CSMD3: variants seen among roughly 807,000 people sequenced by gnomAD.
CSMD3 encodes CUB and Sushi multiple domains 3.
Under a neutral mutation model 435.2 loss-of-function variants are expected in CSMD3, and 177 were observed. The ratio of observed to expected loss-of-function variants is 0.41; its 90% CI spans 0.36 to 0.46. The LOEUF (loss-of-function observed/expected upper bound fraction) is 0.46, where lower values mean the gene tolerates loss of function less well. Among genes scored for constraint, CSMD3 ranks in the 20% least tolerant of loss-of-function variants. The pLI, the probability that CSMD3 is intolerant of heterozygous loss-of-function variation, is 0.34. For missense variants in CSMD3, 4,265 were observed against 4,504.6 expected, an observed-to-expected ratio of 0.95 and a Z score of 1.52; for synonymous variants, 1,656 against 1,520.5, an observed-to-expected ratio of 1.09 and a Z score of -2.07.
At chr8:112,805,582 G>C (rs1010667997) in intron 12 of CSMD3, among the ~76,000 whole-genome samples, 16 of 152,162 alleles carry the variant, frequency 1.1e-4, no homozygotes, top group African/African-American at 3.9e-4. Flanking sequence ...TGATTGACCT[G>C]TGTACAAGAT....
chr8:112,363,247 G>C lies in CSMD3; in HGVS notation c.6137-10713C>G, dbSNP rs902032575. 5.3e-5 allele frequency among the ~76,000 whole-genome samples: 8 copies of C among 151,964 alleles called. No homozygotes were observed. In the South Asian group the frequency reaches 8.3e-4, roughly 16 times the overall value. On this transcript the variant is annotated intron_variant, in intron 38 of 70. Coordinates refer to ENST00000297405, the MANE Select transcript of CSMD3 (RefSeq NM_198123.2). ...AAGTGCATGCATAATACTTAGAGTAGTGCCAGGAATATTGGAAGTGCCTAA... is the reference window on the plus strand; with the variant it reads ...AAGTGCATGCATAATACTTAGAGTACTGCCAGGAATATTGGAAGTGCCTAA...
intron 24 of CSMD3, among the ~76,000 whole-genome samples, chr8:112,558,894 A>G (rs1277700554): frequency 6.6e-6 from 1 of 151,992 alleles, no homozygotes; most frequent in Non-Finnish European, 1.5e-5. Flanking sequence ...GAATACTCTC[A>G]TATTTAAAAT....
At position 112,517,309 on chromosome 8, in the gene CSMD3, T is replaced by G. The variant is rs1015764940; in HGVS notation, c.4565-84A>C. On this transcript the variant is annotated intron_variant, in intron 27 of 70. Coordinates refer to ENST00000297405, the MANE Select transcript of CSMD3 (RefSeq NM_198123.2). ...ATCCCTGTGTTTTAGAAAATTAATT[T>G]TTAAAATTTTGGGGTCAATTTTTAA... 1.4e-5 allele frequency: 14 copies of G among 1,029,952 alleles called. No homozygotes were observed. The Admixed American group carries it at 3.4e-4, about 25-fold the overall frequency. The allele number at this position is 1,029,952 out of a possible 1,614,324, so 63.8% of individuals were successfully genotyped here.
intron 38 of CSMD3, among the ~76,000 whole-genome samples, chr8:112,379,364 G>A (rs11993481): frequency 7.5e-4 from 114 of 152,208 alleles, no homozygotes; most frequent in African/African-American, 2.6e-3. Context: ...AGCTACTTGG[G>A]AGGCTGAGGC....
At position 113,354,805 on chromosome 8, in the gene CSMD3, AT is replaced by A. The variant is rs902955797; in HGVS notation, c.179-40013del. ...CAAGCGTGTGTTACCATGCCCGACT[AT>A]TTTTTTTTTCTTTGTAGACACGAGG... On this transcript the variant is annotated intron_variant, in intron 1 of 70. Transcript: ENST00000297405. Among the ~76,000 whole-genome samples, 58 of 148,738 alleles carry A rather than the reference AT, an allele frequency of 3.9e-4. 1 individual carries two copies. Among genetic ancestry groups the A allele is most frequent in the Admixed American group, 3.1e-3 (46 of 14,888 alleles).
chr8:112,566,935 T>C (rs1350482236), intron 24 of CSMD3, among the ~76,000 whole-genome samples: 3 of 152,154 alleles, frequency 2.0e-5, no homozygotes, highest in Non-Finnish European at 4.4e-5. Flanking sequence ...TGTACTCTGC[T>C]ATGGGCTGGA....
Position 113,065,599 on chromosome 8 carries a change from A to G in CSMD3, c.917+33157T>C, listed in dbSNP as rs2088819033. ...GAGACAGGGTTTCACCATGTTAGCC[A>G]AGATGGTCTCGATCTCCTGACTTCG... On this transcript the variant is annotated intron_variant, in intron 5 of 70. Coordinates refer to ENST00000297405, the MANE Select transcript of CSMD3 (RefSeq NM_198123.2). Among the ~76,000 whole-genome samples, 6 of 152,216 alleles carry G rather than the reference A, an allele frequency of 3.9e-5. No individual in the cohort carries two copies. The South Asian group carries it at 1.2e-3, about 32-fold the overall frequency.
At chr8:112,463,886 A>G (rs1817689541) in intron 32 of CSMD3, among the ~76,000 whole-genome samples, 1 of 152,166 alleles carries the variant, frequency 6.6e-6, no homozygotes, top group Non-Finnish European at 1.5e-5. Context: ...AAGAGCTACC[A>G]TATGGTGTGC....
At chr8:113,209,772 G>A (rs2132070573) in intron 3 of CSMD3, among the ~76,000 whole-genome samples, 1 of 152,116 alleles carries the variant, frequency 6.6e-6, no homozygotes, top group South Asian at 2.1e-4. Flanking sequence ...AAGGAGTCAA[G>A]CAAAGGTAAT....
intron 32 of CSMD3, among the ~76,000 whole-genome samples, chr8:112,443,293 C>T (rs532497542): frequency 5.3e-5 from 8 of 152,166 alleles, no homozygotes; most frequent in South Asian, 4.1e-4. Flanking sequence ...CAGTAGCAAA[C>T]GGTTATTTTG....
intron 2 of CSMD3, among the ~76,000 whole-genome samples, chr8:113,302,802 T>C (rs62521060): frequency 7.7e-5 from 11 of 142,924 alleles, no homozygotes; most frequent in Admixed American, 5.1e-4. Flanking sequence ...ACAGCCAATA[T>C]CATACTGAAT....
At chr8:113,429,944 T>A (rs959699297) in intron 1 of CSMD3, among the ~76,000 whole-genome samples, 11 of 152,180 alleles carry the variant, frequency 7.2e-5, no homozygotes, top group African/African-American at 2.7e-4. Flanking sequence ...AATGAACAAA[T>A]TCATGTTAGT....
At chr8:112,640,119 G>C (rs1422891861) in intron 20 of CSMD3, among the ~76,000 whole-genome samples, 4 of 151,986 alleles carry the variant, frequency 2.6e-5, no homozygotes, top group Non-Finnish European at 4.4e-5. Flanking sequence ...GTATATAGTG[G>C]ACTCCTTGTG....
chr8:113,071,639 T>C (rs1462521771), intron 5 of CSMD3, among the ~76,000 whole-genome samples: 1 of 151,942 alleles, frequency 6.6e-6, no homozygotes, highest in East Asian at 1.9e-4. Context: ...GTAAATTGAT[T>C]TTCTTGTCTA....
At chr8:112,986,669 TA>T (rs1226039745) in intron 6 of CSMD3, among the ~76,000 whole-genome samples, 1 of 152,076 alleles carries the variant, frequency 6.6e-6, no homozygotes, top group Non-Finnish European at 1.5e-5. Flanking sequence ...GATTTACATA[TA>T]AAAAAGTCAG....
intron 5 of CSMD3, among the ~76,000 whole-genome samples, chr8:113,026,850 T>C (rs2131214247): frequency 6.6e-6 from 1 of 152,330 alleles, no homozygotes; most frequent in East Asian, 1.9e-4. Context: ...TTTCTGAATA[T>C]GAAAAGCACT....
rs752213220 is a variant in CSMD3 at position 112,228,844 on chromosome 8, T to C, written c.10876A>G (p.Thr3626Ala). Residue 3626 changes from threonine (T) to alanine (A), a missense_variant, in exon 70 of 71, where the codon ACA becomes GCA. Transcript: ENST00000297405. ...GCAATGGCTACAGAACTACTATTTGTACCATGAGGTTGATTTGAAGAATTT... is the reference window on the plus strand; with the variant it reads ...GCAATGGCTACAGAACTACTATTTGCACCATGAGGTTGATTTGAAGAATTT... The part of the protein sequence containing the change: ...GSNSSNQPHG[T>A]NSSSVAIAIL... 6.3e-7 allele frequency: 1 copy of C among 1,591,352 alleles called. No homozygotes were observed. The highest frequency in any genetic ancestry group is 8.6e-7 in the Non-Finnish European group (1 of 1,160,060).
chr8:112,961,516 T>G (rs2084229753), intron 7 of CSMD3, among the ~76,000 whole-genome samples: 1 of 151,938 alleles, frequency 6.6e-6, no homozygotes. Flanking sequence ...GAAATGAGGT[T>G]GACCTAGTTT....
chr8:113,185,806 C>T (rs777850911), intron 3 of CSMD3, among the ~76,000 whole-genome samples: 6 of 151,932 alleles, frequency 3.9e-5, no homozygotes, highest in Non-Finnish European at 8.8e-5. Context: ...GCACTCGGGG[C>T]ATTTGTATCT....
Sources: gnomAD v4.1 joint callset for allele counts (sites outside exome capture counted in the v4.1 genomes callset) on GRCh38, gnomAD v4.1.1 for gene constraint, MANE v1.5 for transcripts, NCBI Gene and HGNC (gene_info 2026-07-23, HGNC 2026-07-21) for gene names.